Variants in CETP observed in about 807,000 individuals in gnomAD.
The protein encoded by CETP is cholesteryl ester transfer protein, also known as BPI fold containing family F.
In CETP, 56 loss-of-function variants were observed where a neutral mutation model predicts 66.5. The observed-to-expected ratio is 0.84, with a 90% confidence interval of 0.68 to 1.05. CETP has a LOEUF of 1.05. Among genes scored for constraint, CETP ranks in the 50% least tolerant of loss-of-function variants. The pLI, the probability that CETP is intolerant of heterozygous loss-of-function variation, is 0.00. For synonymous variants in CETP, 251 were observed against 245.7 expected (o/e 1.02, Z -0.20); for missense variants, 612 against 609.6 (o/e 1.00, Z -0.04).
At chr16:56,978,343 C>A in intron 11 of CETP, 88 bp downstream of exon 11, 1 of 1,507,586 alleles carries the variant, frequency 6.6e-7, no homozygotes, top group Non-Finnish European at 9.2e-7. Context: ...TCTCTGAAGC[C>A]TCCAGATCCT....
At chr16:56,982,415 A>G (rs2056195538) in intron 14 of CETP, among the ~76,000 whole-genome samples, 178 bp downstream of exon 14, 1 of 152,164 alleles carries the variant, frequency 6.6e-6, no homozygotes, top group African/African-American at 2.4e-5. Flanking sequence ...ACTCGGCCAG[A>G]TGCCCAGACC....
In CETP at chr16:56,973,502, G is replaced by C. The variant is rs779536353; in HGVS notation, c.922G>C (p.Glu308Gln). The C allele has an allele frequency of 1.9e-6, 3 of 1,614,168 alleles. No individual in the cohort carries two copies. The East Asian group carries it at 6.7e-5, about 36-fold the overall frequency. Residue 308 changes from glutamate to glutamine, a missense_variant, in exon 9 of 16, where the codon GAG (glutamate) becomes CAG (glutamine). Glu to Gln is a conservative substitution (Grantham distance 29). Transcript: ENST00000200676. ...GRLMLSLMGD[E>Q]FKAVLETWGF... is the part of the protein sequence containing the mutation. ...CCTCATGCTCAGCCTGATGGGAGAC[G>C]AGTTCAAGGTGAGTGGGTGGGGCTG...
chr16:56,982,057 T>C (rs910656847), intron 13 of CETP, 108 bp from the exon 14 acceptor site: 6 of 1,076,778 alleles, frequency 5.6e-6, no homozygotes, highest in Middle Eastern at 2.0e-4. Flanking sequence ...GATGTATTTT[T>C]TTCACGGATG....
intron 2 of CETP, among the ~76,000 whole-genome samples, 175 bp downstream of exon 2, chr16:56,963,299 C>T (rs1285382863): frequency 3.9e-5 from 6 of 152,248 alleles, no homozygotes; most frequent in Non-Finnish European, 5.9e-5. Context: ...TCCCCTGGTG[C>T]CCTGGGGGGA....
intron 2 of CETP, among the ~76,000 whole-genome samples, chr16:56,967,892 G>A (rs1170461923): frequency 3.3e-5 from 5 of 151,176 alleles, no homozygotes; most frequent in Non-Finnish European, 7.4e-5. Context: ...GTTGGAATTC[G>A]AGGCTGCAGT....
intron 2 of CETP, among the ~76,000 whole-genome samples, chr16:56,967,373 G>A (rs1385118308): frequency 1.3e-5 from 2 of 148,982 alleles, no homozygotes; most frequent in African/African-American, 2.5e-5. Flanking sequence ...CAAAAAAAAC[G>A]GGTTGGGCAT....
intron 9 of CETP, among the ~76,000 whole-genome samples, chr16:56,973,912 T>C (rs2056131726): frequency 6.6e-6 from 1 of 152,184 alleles, no homozygotes; most frequent in South Asian, 2.1e-4. Context: ...GGTACGTGAC[T>C]GGGGGCTGCA....
At chr16:56,979,482 C>G (rs2056173027) in intron 11 of CETP, among the ~76,000 whole-genome samples, 1 of 151,824 alleles carries the variant, frequency 6.6e-6, no homozygotes, top group Non-Finnish European at 1.5e-5. Context: ...AATTAAGAAT[C>G]AGTATTATCT....
Position 56,978,182 on chromosome 16 carries a change from A to G in CETP, c.1073A>G (p.Asn358Ser), listed in dbSNP as rs190187567. 3.7e-6 allele frequency: 6 copies of G among 1,614,266 alleles called. No homozygotes were observed. Among genetic ancestry groups the G allele is most frequent in the East Asian group, 4.5e-5 (2 of 44,884 alleles). Residue 358 changes from asparagine to serine, a missense_variant, in exon 11 of 16, where the codon AAT becomes AGT. Transcript: ENST00000200676. ...ISCQNKGVVV[N>S]SSVMVKFLFP... is the part of the protein sequence containing the mutation. ...TGCCAAAACAAGGGAGTCGTGGTCA[A>G]TTCTTCAGTGATGGTGAAATTCCTC...
At chr16:56,964,080 G>A (rs1406373172) in intron 2 of CETP, among the ~76,000 whole-genome samples, 1 of 150,962 alleles carries the variant, frequency 6.6e-6, no homozygotes, top group Non-Finnish European at 1.5e-5. Context: ...AGGCTGGAGT[G>A]CAGTGGCACG....
Position 56,972,162 on chromosome 16 carries a change from C to A in CETP, c.750+79C>A, listed in dbSNP as rs2056116208. 5 of 1,066,000 alleles carry A rather than the reference C, an allele frequency of 4.7e-6. No homozygotes were observed. The South Asian group carries it at 6.4e-5, about 14-fold the overall frequency. 66.0% of individuals were successfully genotyped at this position (1,066,000 alleles called of 1,614,324 possible). A position where few individuals can be genotyped will look rare whatever the true frequency, so the allele number is the denominator to read the frequency against. ...CTTTTTTGTGCTCTGACAACCCCGTCCCCCAGCTTCAACCTTATGGCAGCC... is the reference window on the plus strand; with the variant it reads ...CTTTTTTGTGCTCTGACAACCCCGTACCCCAGCTTCAACCTTATGGCAGCC... On this transcript the variant is annotated intron_variant, in intron 8 of 15. Transcript: ENST00000200676.
At chr16:56,977,865 G>T (rs1463561850) in intron 10 of CETP, among the ~76,000 whole-genome samples, 6 of 152,236 alleles carry the variant, frequency 3.9e-5, no homozygotes, top group Non-Finnish European at 8.8e-5. Flanking sequence ...TGAGAGAGGA[G>T]TTCAGGGTAG....
intron 2 of CETP, among the ~76,000 whole-genome samples, chr16:56,966,784 T>A (rs8045855): frequency 0.26 from 38,013 of 148,232 alleles, 5,581 homozygotes; most frequent in African/African-American, 0.4. Flanking sequence ...TTTTTTTTTT[T>A]ATGCATTTTT....
At chr16:56,967,644 G>T (rs1328262708) in intron 2 of CETP, among the ~76,000 whole-genome samples, 1 of 137,070 alleles carries the variant, frequency 7.3e-6, no homozygotes, top group Non-Finnish European at 1.6e-5. Context: ...AACAGAGCCA[G>T]ACTCAGTCTC....
At chr16:56,978,059 T>G in intron 10 of CETP, 32 bp from the exon 11 acceptor site, 1 of 1,611,942 alleles carries the variant, frequency 6.2e-7, no homozygotes, top group South Asian at 1.1e-5. Flanking sequence ...GATGGGCCCC[T>G]GTCCTGGCCA....
At chr16:56,968,035 A>T (rs931382417) in intron 2 of CETP, among the ~76,000 whole-genome samples, 1 of 151,768 alleles carries the variant, frequency 6.6e-6, no homozygotes, top group Non-Finnish European at 1.5e-5. Flanking sequence ...CTATACCAGA[A>T]GTCTTTGCCA....
rs35878799 is a variant in CETP, at chr16:56,973,336, T to C, written c.756T>C (p.His252=). The change falls in exon 9 of 16, where the codon CAT becomes CAC. Residue 252 remains histidine (H), a synonymous_variant. Coordinates refer to ENST00000200676, the MANE Select transcript of CETP (RefSeq NM_000078.3). ...AGCGTCCTGGCTTCCTCCAGGGTCA[T>C]TTCATCTACAAGAATGTCTCAGAGG... is the stretch of plus-strand genomic sequence containing the variant. ...ASYLESHHKG[H]FIYKNVSEDL... 6.1e-4 allele frequency: 990 copies of C among 1,614,158 alleles called. 6 individuals carry two copies. The African/African-American group carries it at 0.012, about 19-fold the overall frequency.
At position 56,969,696 on chromosome 16, in the gene CETP, T is replaced by C. The variant is rs762432832; in HGVS notation, c.439+15T>C. ...CACACAGCTGAGTATGTGTCAAGCGTCCTCTGGGGAAGTGGGAGCTGGACT... is the reference window on the plus strand; with the variant it reads ...CACACAGCTGAGTATGTGTCAAGCGCCCTCTGGGGAAGTGGGAGCTGGACT... On this transcript the variant is annotated intron_variant, in intron 4 of 15. Transcript: ENST00000200676. 2 of 1,613,306 alleles carry C rather than the reference T, an allele frequency of 1.2e-6. No individual in the cohort carries two copies.
In CETP at chr16:56,973,440, T is replaced by C; in HGVS notation, c.860T>C (p.Phe287Ser). The C allele has an allele frequency of 6.2e-7, 1 of 1,614,202 alleles. No individual in the cohort carries two copies. Among genetic ancestry groups the C allele is most frequent in the Non-Finnish European group, 8.5e-7 (1 of 1,180,032 alleles). Residue 287 changes from phenylalanine to serine, a missense_variant, in exon 9 of 16, where the codon TTC becomes TCC. Phe to Ser is a radical substitution (Grantham distance 155). Coordinates refer to ENST00000200676, the MANE Select transcript of CETP (RefSeq NM_000078.3). ...TACTTCTGGTTCTCTGAGCGAGTCTTCCACTCGCTGGCCAAGGTAGCTTTC... is the reference window on the plus strand; with the variant it reads ...TACTTCTGGTTCTCTGAGCGAGTCTCCCACTCGCTGGCCAAGGTAGCTTTC... ...MLYFWFSERV[F>S]HSLAKVAFQD...
Sources: allele counts gnomAD v4.1 joint callset (sites outside exome capture counted in the v4.1 genomes callset), GRCh38; gene constraint gnomAD v4.1.1; transcripts MANE v1.5; gene names NCBI Gene and HGNC (gene_info 2026-07-23, HGNC 2026-07-21).